Variants in POLR3A observed in about 807,000 individuals in gnomAD.
POLR3A encodes the protein DNA-directed RNA polymerase III subunit RPC1.
POLR3A carries 112 observed loss-of-function variants against 152.8 expected under a neutral mutation model. The ratio of observed to expected loss-of-function variants is 0.73; its 90% CI spans 0.63 to 0.86. The LOEUF (loss-of-function observed/expected upper bound fraction) is 0.86. Ranked by LOEUF, POLR3A falls within the 40% of genes least tolerant of loss-of-function variation. The probability of loss-of-function intolerance (pLI) is 0.00; values close to 1 mark genes in which losing one functional copy is unlikely to be tolerated. For synonymous variants in POLR3A, 615 were observed against 652.1 expected (o/e 0.94, Z 0.87); for missense variants, 1,385 against 1,743.1 (o/e 0.79, Z 3.66).
intron 18 of POLR3A, among the ~76,000 whole-genome samples, chr10:78,000,469 CCTTCAAGATA>C (rs1847346594): frequency 6.6e-6 from 1 of 152,190 alleles, no homozygotes; most frequent in Admixed American, 6.5e-5. Flanking sequence ...GGAAATGACA[CCTTCAAGATA>C]TCCTTCCTGT....
chr10:78,001,774 G>A (rs553341967), intron 17 of POLR3A, among the ~76,000 whole-genome samples: 12 of 151,910 alleles, frequency 7.9e-5, no homozygotes, highest in African/African-American at 2.7e-4. Context: ...TAGCTGGGAC[G>A]ACAGGCACAA....
chr10:77,984,201 T>C lies in POLR3A; in HGVS notation c.3336+4A>G, dbSNP rs769710798. 1.3e-6 allele frequency: 2 copies of C among 1,582,494 alleles called. No homozygotes were observed. The highest frequency in any genetic ancestry group is 1.1e-5 in the South Asian group (1 of 90,486). The stretch of plus-strand genomic sequence containing the variant: ...TCTTGTTATCAATAGGGATTTCTTC[T>C]TACCTCTCCCAAGAGGGTTTTCTCA... On this transcript the variant is annotated splice_donor_region_variant and intron_variant, in intron 25 of 30. Transcript: ENST00000372371.
chr10:77,988,584 G>T (rs1172805808), intron 21 of POLR3A, among the ~76,000 whole-genome samples: 1 of 152,138 alleles, frequency 6.6e-6, no homozygotes, highest in Non-Finnish European at 1.5e-5. Context: ...CTGATTCCTT[G>T]TTATTAATGA....
intron 10 of POLR3A, 27 bp downstream of exon 10, chr10:78,017,548 G>A (rs1564621942): frequency 6.2e-7 from 1 of 1,613,022 alleles, no homozygotes; most frequent in Non-Finnish European, 8.5e-7. Flanking sequence ...CTACGTGATG[G>A]AAAATTTAAA....
Position 77,985,875 on chromosome 10 carries a change from C to G in POLR3A, c.3071+28G>C, listed in dbSNP as rs747316443. The G allele has an allele frequency of 1.9e-6, 3 of 1,553,708 alleles. No individual in the cohort carries two copies. In the Admixed American group the frequency reaches 5.0e-5, roughly 26 times the overall value. On this transcript the variant is annotated intron_variant, in intron 23 of 30. Transcript: ENST00000372371. ...GATACGTGAGACCTATGTGGATGAC[C>G]GTCAGTCCAAGACAAAAGCATCCCT...
At chr10:78,018,331 G>A (rs950109577) in intron 9 of POLR3A, among the ~76,000 whole-genome samples, 5 of 151,480 alleles carry the variant, frequency 3.3e-5, no homozygotes, top group African/African-American at 4.8e-5. Flanking sequence ...AAAACCCGTC[G>A]CTACTAAAAA....
chr10:78,018,436 T>C (rs1455074011), intron 9 of POLR3A, among the ~76,000 whole-genome samples: 14 of 147,262 alleles, frequency 9.5e-5, no homozygotes, highest in Admixed American at 2.7e-4. Context: ...GAGGTGGAGG[T>C]TGCAGTGAGT....
chr10:77,991,324 C>A (rs534567419), intron 20 of POLR3A, among the ~76,000 whole-genome samples, 157 bp from the exon 21 acceptor site: 1 of 152,314 alleles, frequency 6.6e-6, no homozygotes, highest in Admixed American at 6.5e-5. Context: ...CTCTACCTTT[C>A]ATGTGAAGGT....
At chr10:77,984,106 G>A (rs1288172367) in intron 25 of POLR3A, 94 bp from the exon 26 acceptor site, 4 of 1,212,268 alleles carry the variant, frequency 3.3e-6, no homozygotes, top group Non-Finnish European at 4.9e-6. Context: ...TGAGTAGTGT[G>A]GACGCCACAG....
In POLR3A at chr10:78,000,072, A is replaced by C. The variant is rs1810037756; in HGVS notation, c.2525T>G (p.Leu842Trp). ...GTGGAAGAAAAACTCAGTTGGTGTC[A>C]AACCGGAATAAAAGCTATTAGCCAC... ...GFVANSFYSG[L>W]TPTEFFFHTM... The change falls in exon 19 of 31, where the codon TTG becomes TGG. Residue 842 changes from leucine (L) to tryptophan (W), a missense_variant. Physicochemically the swap from Leu to Trp is moderately conservative, Grantham distance 61. Transcript: ENST00000372371. The C allele has an allele frequency of 6.2e-7, 1 of 1,614,082 alleles. No individual in the cohort carries two copies. The highest frequency in any genetic ancestry group is 8.5e-7 in the Non-Finnish European group (1 of 1,179,932).
At chr10:78,020,939 T>C (rs967961460) in intron 8 of POLR3A, among the ~76,000 whole-genome samples, 20 of 152,172 alleles carry the variant, frequency 1.3e-4, no homozygotes, top group Non-Finnish European at 2.8e-4. Flanking sequence ...TTAGTTAGTT[T>C]AAAATATGAG....
Position 78,010,584 on chromosome 10 carries a change from A to G in POLR3A, c.1573-44T>C, listed in dbSNP as rs200918467. ...CAGTCAGTTAGCTGTTCTCGGATGC[A>G]TGATGCAGCCCAAAGCCTGAATCAC... On this transcript the variant is annotated intron_variant, in intron 11 of 30. Transcript: ENST00000372371. The G allele has an allele frequency of 1.9e-5, 26 of 1,373,484 alleles. No individual in the cohort carries two copies. In the Admixed American group the frequency reaches 2.2e-4, roughly 12 times the overall value. The allele number at this position is 1,373,484 out of a possible 1,614,324, so 85.1% of individuals were successfully genotyped here. A position where few individuals can be genotyped will look rare whatever the true frequency, so the allele number is the denominator to read the frequency against.
chr10:78,023,010 T>A (rs1307804977), intron 5 of POLR3A, among the ~76,000 whole-genome samples: 1 of 151,230 alleles, frequency 6.6e-6, no homozygotes, highest in East Asian at 1.9e-4. Flanking sequence ...ATACAAAAAT[T>A]AGCTGGGCAT....
chr10:78,006,395 CA>C (rs36050560), intron 15 of POLR3A, among the ~76,000 whole-genome samples: 1,620 of 21,806 alleles, frequency 0.074, 10 homozygotes, highest in African/African-American at 0.17. Flanking sequence ...GACTCTGTCT[CA>C]AAAAAAAAAA....
At chr10:77,982,515 TAA>T (rs1847156817) in intron 27 of POLR3A, 136 bp downstream of exon 27, 1 of 912,260 alleles carries the variant, frequency 1.1e-6, no homozygotes, top group Non-Finnish European at 1.8e-6. Flanking sequence ...GAGAGGAATC[TAA>T]CAGACTAACT....
chr10:77,992,663 G>A (rs1424176207), intron 20 of POLR3A, among the ~76,000 whole-genome samples: 2 of 151,578 alleles, frequency 1.3e-5, no homozygotes, highest in Admixed American at 6.6e-5. Context: ...GGATGGTCTC[G>A]ATCTCTTGAT....
At position 77,995,011 on chromosome 10, in the gene POLR3A, A is replaced by G. The variant is rs1025335754; in HGVS notation, c.2617-1644T>C. ...AAGAGAGTGGGGACCAATATTCAAC[A>G]TTCTTAAAGAAAAGAATTTTCAAAA... On this transcript the variant is annotated intron_variant, in intron 19 of 30. Transcript: ENST00000372371. Among the ~76,000 whole-genome samples, 13 of 152,368 alleles carry G rather than the reference A, an allele frequency of 8.5e-5. No homozygotes were observed. In the Middle Eastern group the frequency reaches 0.01, roughly 120 times the overall value.
chr10:78,000,408 C>G (rs1442458095), intron 18 of POLR3A, among the ~76,000 whole-genome samples: 1 of 152,220 alleles, frequency 6.6e-6, no homozygotes, highest in African/African-American at 2.4e-5. Context: ...GGCAAGCAGT[C>G]AAGGACCTCA....
intron 1 of POLR3A, among the ~76,000 whole-genome samples, chr10:78,026,462 C>T (rs778427128): frequency 3.3e-5 from 5 of 152,182 alleles, no homozygotes; most frequent in Non-Finnish European, 7.3e-5. Context: ...CCAAGGCCAC[C>T]TAGACAACCT....
Sources: allele counts gnomAD v4.1 joint callset (sites outside exome capture counted in the v4.1 genomes callset), GRCh38; gene constraint gnomAD v4.1.1; transcripts MANE v1.5; gene names NCBI Gene and HGNC (gene_info 2026-07-23, HGNC 2026-07-21).